TMTC2: variants seen among roughly 807,000 people sequenced by gnomAD.
TMTC2 encodes the protein protein O-mannosyl-transferase TMTC2.
Under a neutral mutation model 82.4 loss-of-function variants are expected in TMTC2, and 43 were observed. The ratio of observed to expected loss-of-function variants is 0.52; its 90% CI spans 0.41 to 0.67. The LOEUF is 0.67. TMTC2 is among the 30% of genes least tolerant of loss of function. The probability of loss-of-function intolerance (pLI) is 0.00; values close to 1 mark genes in which losing one functional copy is unlikely to be tolerated. For missense variants in TMTC2, 919 were observed against 1,012.4 expected (o/e 0.91, Z 1.25); for synonymous variants, 408 against 381.9 (o/e 1.07, Z -0.80).
chr12:82,801,754 C>T (rs1879015561), intron 1 of TMTC2, among the ~76,000 whole-genome samples: 1 of 152,082 alleles, frequency 6.6e-6, no homozygotes, highest in South Asian at 2.1e-4. Context: ...TTCACAATCC[C>T]TTAGCTAGAC....
At chr12:83,068,991 G>C (rs1333679787) in intron 11 of TMTC2, among the ~76,000 whole-genome samples, 1 of 152,086 alleles carries the variant, frequency 6.6e-6, no homozygotes, top group South Asian at 2.1e-4. Context: ...ACTTCACTTA[G>C]AATAATAGTC....
chr12:83,011,780 C>T (rs999542796), intron 8 of TMTC2, among the ~76,000 whole-genome samples: 3 of 152,272 alleles, frequency 2.0e-5, no homozygotes, highest in African/African-American at 7.2e-5. Context: ...TCCAGGTAGC[C>T]TTCAAATTCT....
At chr12:82,820,659 G>T (rs758343265) in intron 1 of TMTC2, among the ~76,000 whole-genome samples, 3 of 152,130 alleles carry the variant, frequency 2.0e-5, no homozygotes, top group Non-Finnish European at 4.4e-5. Context: ...ACAGGCGTGA[G>T]CCATTGTGCC....
At chr12:82,882,242 G>A (rs559148523) in intron 2 of TMTC2, among the ~76,000 whole-genome samples, 7 of 151,672 alleles carry the variant, frequency 4.6e-5, no homozygotes, top group South Asian at 2.1e-4. Flanking sequence ...CTCGTGATCC[G>A]CCCGCCTCGG....
intron 1 of TMTC2, among the ~76,000 whole-genome samples, chr12:82,849,703 C>A (rs555282069): frequency 6.6e-6 from 1 of 152,078 alleles, no homozygotes. Context: ...CTATTTAATA[C>A]ACTTTTGGTT....
chr12:82,787,536 T>C (rs930735202), intron 1 of TMTC2, among the ~76,000 whole-genome samples: 2 of 152,192 alleles, frequency 1.3e-5, no homozygotes, highest in Non-Finnish European at 2.9e-5. Context: ...AAATTATCTT[T>C]GACCTAATTC....
At chr12:82,862,963 T>A (rs2137123323) in intron 2 of TMTC2, among the ~76,000 whole-genome samples, 1 of 152,348 alleles carries the variant, frequency 6.6e-6, no homozygotes, top group Middle Eastern at 3.4e-3. Context: ...GTTTCTGTAC[T>A]TCTGACTATT....
chr12:82,864,691 T>C (rs1361509277), intron 2 of TMTC2, among the ~76,000 whole-genome samples: 4 of 151,062 alleles, frequency 2.6e-5, no homozygotes, highest in Admixed American at 6.6e-5. Flanking sequence ...TTAGTAGAGA[T>C]GGGGCTTCAC....
chr12:82,775,659 A>G (rs1877555331), intron 1 of TMTC2, among the ~76,000 whole-genome samples: 3 of 152,114 alleles, frequency 2.0e-5, no homozygotes, highest in Admixed American at 2.0e-4. Flanking sequence ...CAGTCTCAAA[A>G]AGAAAAATAT....
At chr12:82,964,700 T>A (rs1183818158) in intron 4 of TMTC2, among the ~76,000 whole-genome samples, 3 of 152,102 alleles carry the variant, frequency 2.0e-5, no homozygotes, top group Non-Finnish European at 4.4e-5. Flanking sequence ...AAAATGTGCA[T>A]GCTCCAAGAA....
intron 11 of TMTC2, among the ~76,000 whole-genome samples, chr12:83,116,642 G>A (rs1884771386): frequency 6.6e-6 from 1 of 152,140 alleles, no homozygotes; most frequent in Admixed American, 6.6e-5. Flanking sequence ...CAAGAGTAAG[G>A]TGGTATCTCA....
At chr12:82,824,699 T>A (rs1869308803) in intron 1 of TMTC2, among the ~76,000 whole-genome samples, 2 of 152,216 alleles carry the variant, frequency 1.3e-5, no homozygotes, top group African/African-American at 4.8e-5. Flanking sequence ...TGATGATTTG[T>A]AATTATGGAA....
intron 3 of TMTC2, among the ~76,000 whole-genome samples, chr12:82,917,591 TTTTATTTA>T (rs200853483): frequency 1.3e-5 from 2 of 151,632 alleles, no homozygotes; most frequent in African/African-American, 2.4e-5. Flanking sequence ...TTGGCTTTTA[TTTTATTTA>T]TTTATTTATT....
At chr12:82,873,147 A>G (rs1399588040) in intron 2 of TMTC2, among the ~76,000 whole-genome samples, 1 of 151,784 alleles carries the variant, frequency 6.6e-6, no homozygotes, top group Non-Finnish European at 1.5e-5. Context: ...AACTATCACC[A>G]TCAATCTTAA....
chr12:82,782,881 C>G (rs548494927), intron 1 of TMTC2, among the ~76,000 whole-genome samples: 59 of 152,130 alleles, frequency 3.9e-4, no homozygotes, highest in African/African-American at 1.3e-3. Context: ...ATGAAATTAA[C>G]AAAAATTATT....
At chr12:82,912,573 A>G (rs886711909) in intron 3 of TMTC2, among the ~76,000 whole-genome samples, 2 of 152,212 alleles carry the variant, frequency 1.3e-5, no homozygotes, top group Non-Finnish European at 2.9e-5. Context: ...GATGGTTTGC[A>G]GTACTGGTGT....
Position 82,930,557 on chromosome 12 carries a change from T to G in TMTC2, c.1598+12T>G, listed in dbSNP as rs543700060. 1 of 1,542,750 alleles carries G rather than the reference T, an allele frequency of 6.5e-7. No individual in the cohort carries two copies. The highest frequency in any genetic ancestry group is 1.4e-5 in the African/African-American group (1 of 73,546). On this transcript the variant is annotated intron_variant, in intron 4 of 11. Transcript: ENST00000321196. ...ATGCTTTATAATTTGTGAGTATGCC[T>G]TGCTTCTCTGGTTTGGTTCGTCTTT...
intron 2 of TMTC2, among the ~76,000 whole-genome samples, chr12:82,884,659 G>A (rs1289124669): frequency 2.0e-5 from 3 of 152,032 alleles, no homozygotes; most frequent in African/African-American, 4.8e-5. Context: ...TAAAAATTAA[G>A]AAAATAAGGC....
chr12:83,007,841 A>G (rs1880274544), intron 8 of TMTC2, among the ~76,000 whole-genome samples: 1 of 152,132 alleles, frequency 6.6e-6, no homozygotes, highest in African/African-American at 2.4e-5. Flanking sequence ...CAGGTTTTGT[A>G]TCTAGAAAGT....
Sources: gnomAD v4.1 joint callset for allele counts (sites outside exome capture counted in the v4.1 genomes callset) on GRCh38, gnomAD v4.1.1 for gene constraint, MANE v1.5 for transcripts, NCBI Gene and HGNC (gene_info 2026-07-23, HGNC 2026-07-21) for gene names.